The following IL1RAPL2 variants were observed in gnomAD, a reference collection of about 807,000 sequenced individuals.
IL1RAPL2 encodes interleukin 1 receptor accessory protein like 2.
In IL1RAPL2, 3 loss-of-function variants were observed where a neutral mutation model predicts 44.1. That is an observed-to-expected ratio of 0.07 (90% confidence interval 0.03 to 0.18). The LOEUF is 0.18. Among genes scored for constraint, IL1RAPL2 ranks in the 10% least tolerant of loss-of-function variants. IL1RAPL2 has a pLI of 1.00. For missense variants in IL1RAPL2, 391 were observed against 496.4 expected, an observed-to-expected ratio of 0.79 and a Z score of 2.02; for synonymous variants, 181 against 178.8, an observed-to-expected ratio of 1.01 and a Z score of -0.10.
At chrX:104,876,281 G>T (rs779583760) in intron 2 of IL1RAPL2, among the ~76,000 whole-genome samples, 14 of 111,361 alleles carry the variant, frequency 1.3e-4, no homozygotes, top group Admixed American at 1.1e-3. Flanking sequence ...TTAGCACATG[G>T]ACCATGCTTT....
chrX:105,424,489 C>G (rs775079195), intron 5 of IL1RAPL2, among the ~76,000 whole-genome samples: 1 of 110,171 alleles, frequency 9.1e-6, no homozygotes, highest in Non-Finnish European at 1.9e-5. Context: ...TGACTTTTCT[C>G]TTTAGCTTAG....
At chrX:105,179,461 T>C (rs1225539446) in intron 2 of IL1RAPL2, among the ~76,000 whole-genome samples, 2 of 112,121 alleles carry the variant, frequency 1.8e-5, no homozygotes, top group African/African-American at 6.5e-5. Context: ...CAGGATTGCT[T>C]TGGCTATTTC....
chrX:105,361,963 T>C (rs932355102), intron 5 of IL1RAPL2, among the ~76,000 whole-genome samples: 1 of 111,705 alleles, frequency 9.0e-6, no homozygotes, highest in African/African-American at 3.2e-5. Flanking sequence ...CGCTCTTTTG[T>C]ATGATACCCA....
At chrX:104,663,565 G>A (rs536880501) in intron 2 of IL1RAPL2, among the ~76,000 whole-genome samples, 2 of 109,750 alleles carry the variant, frequency 1.8e-5, no homozygotes, top group African/African-American at 6.6e-5. Flanking sequence ...CTAAGATCAA[G>A]GAGGAAAATA....
chrX:104,892,223 C>A lies in IL1RAPL2; in HGVS notation c.82+233228C>A, dbSNP rs991313406. Among the ~76,000 whole-genome samples, 11 of 111,580 alleles carry A rather than the reference C, an allele frequency of 9.9e-5. No individual in the cohort carries two copies. The South Asian group carries it at 1.1e-3, about 11-fold the overall frequency. The stretch of plus-strand genomic sequence containing the variant: ...AGTATTTTATTGAGGATTTTTGCAT[C>A]AATGTTCATCAAGGATATTGGTCTA... On this transcript the variant is annotated intron_variant, in intron 2 of 10. Coordinates refer to ENST00000372582, the MANE Select transcript of IL1RAPL2 (RefSeq NM_017416.2).
chrX:104,617,367 A>G (rs1039032378), intron 1 of IL1RAPL2, among the ~76,000 whole-genome samples: 3 of 111,549 alleles, frequency 2.7e-5, no homozygotes, highest in Admixed American at 9.5e-5. Flanking sequence ...TTTGTATAGA[A>G]TCTTCCAGGT....
chrX:105,083,962 C>A (rs768818249), intron 2 of IL1RAPL2, among the ~76,000 whole-genome samples: 1 of 112,202 alleles, frequency 8.9e-6, no homozygotes, highest in African/African-American at 3.2e-5. Flanking sequence ...TAACACATAA[C>A]AATTGTTGCC....
intron 2 of IL1RAPL2, among the ~76,000 whole-genome samples, chrX:105,025,160 T>A (rs773154517): frequency 3.6e-5 from 4 of 111,133 alleles, no homozygotes; most frequent in Non-Finnish European, 7.6e-5. Flanking sequence ...TTAGGTAGGA[T>A]CAAGGAAGAA....
intron 2 of IL1RAPL2, among the ~76,000 whole-genome samples, chrX:104,842,151 T>C (rs1052347886): frequency 8.2e-5 from 9 of 109,704 alleles, no homozygotes; most frequent in African/African-American, 3.0e-4. Flanking sequence ...CTTCAATCTC[T>C]GATATCTTTT....
At chrX:104,647,043 T>A (rs767307829) in intron 1 of IL1RAPL2, among the ~76,000 whole-genome samples, 27 of 111,626 alleles carry the variant, frequency 2.4e-4, no homozygotes, top group African/African-American at 6.5e-4. Flanking sequence ...TTTTTTTTTT[T>A]AAGAGATCTG....
At chrX:104,753,147 T>G (rs942779497) in intron 2 of IL1RAPL2, among the ~76,000 whole-genome samples, 5 of 108,953 alleles carry the variant, frequency 4.6e-5, no homozygotes, top group Non-Finnish European at 9.6e-5. Context: ...TTTTTTTTTT[T>G]TTTGGAGAGC....
intron 2 of IL1RAPL2, among the ~76,000 whole-genome samples, chrX:104,723,455 G>A (rs972193350): frequency 9.1e-6 from 1 of 110,317 alleles, no homozygotes; most frequent in African/African-American, 3.3e-5. Context: ...AACTGCCAGG[G>A]GTGGGGTGCA....
At chrX:105,725,098 G>A (rs1184799522) in intron 7 of IL1RAPL2, among the ~76,000 whole-genome samples, 1 of 111,578 alleles carries the variant, frequency 9.0e-6, no homozygotes, top group Non-Finnish European at 1.9e-5. Context: ...ATTATAGATT[G>A]CCTACAGGGT....
At chrX:104,928,501 T>C (rs769223928) in intron 2 of IL1RAPL2, among the ~76,000 whole-genome samples, 1 of 111,653 alleles carries the variant, frequency 9.0e-6, no homozygotes, top group Admixed American at 9.6e-5. Context: ...GTTGTTTCTC[T>C]GTCAGGTTGA....
chrX:105,099,433 G>A (rs1438710262), intron 2 of IL1RAPL2, among the ~76,000 whole-genome samples: 2 of 105,078 alleles, frequency 1.9e-5, no homozygotes, highest in African/African-American at 6.9e-5. Context: ...GCAGGAGACG[G>A]GTGGGAGAGG....
intron 5 of IL1RAPL2, among the ~76,000 whole-genome samples, chrX:105,455,378 A>G (rs767308413): frequency 1.8e-5 from 2 of 111,558 alleles, no homozygotes; most frequent in Admixed American, 9.8e-5. Context: ...TGGCATTCTC[A>G]TCATGAAATC....
At chrX:105,103,148 T>C (rs1602955682) in intron 2 of IL1RAPL2, among the ~76,000 whole-genome samples, 1 of 108,979 alleles carries the variant, frequency 9.2e-6, no homozygotes, top group East Asian at 2.8e-4. Context: ...TTAATACTCT[T>C]TAAGTTCTCT....
intron 7 of IL1RAPL2, among the ~76,000 whole-genome samples, chrX:105,737,720 C>T (rs2038461740): frequency 9.0e-6 from 1 of 111,329 alleles, no homozygotes; most frequent in Admixed American, 9.6e-5. Context: ...GCTTCTGGAA[C>T]TACAGGGGGT....
chrX:105,488,570 A>C (rs1000864857), intron 6 of IL1RAPL2, among the ~76,000 whole-genome samples: 1 of 112,561 alleles, frequency 8.9e-6, no homozygotes, highest in Non-Finnish European at 1.9e-5. Flanking sequence ...TAGTTTGTTA[A>C]GTAATTAGTA....
Sources: allele counts gnomAD v4.1 joint callset (sites outside exome capture counted in the v4.1 genomes callset), GRCh38; gene constraint gnomAD v4.1.1; transcripts MANE v1.5; gene names NCBI Gene and HGNC (gene_info 2026-07-23, HGNC 2026-07-21).